Variants in TAPBPL observed in about 807,000 individuals in gnomAD.
The protein encoded by TAPBPL is TAP binding protein like.
TAPBPL carries 32 observed loss-of-function variants against 44.8 expected under a neutral mutation model. The ratio of observed to expected loss-of-function variants is 0.71; its 90% CI spans 0.54 to 0.96. TAPBPL has a LOEUF of 0.96. Ranked by LOEUF, TAPBPL falls within the 40% of genes least tolerant of loss-of-function variation. TAPBPL has a pLI of 0.00. For synonymous variants in TAPBPL, 230 were observed against 240.7 expected (o/e 0.96, Z 0.41); for missense variants, 520 against 586.6 (o/e 0.89, Z 1.17).
chr12:6,452,559 G>C, intron 1 of TAPBPL: 1 of 1,389,258 alleles, frequency 7.2e-7, no homozygotes, highest in Non-Finnish European at 9.3e-7. Flanking sequence ...AGGAGCCACT[G>C]TCCTACAGAG....
chr12:6,461,164 A>G, intron 6 of TAPBPL: 1 of 1,368,216 alleles, frequency 7.3e-7, no homozygotes, highest in Non-Finnish European at 9.5e-7. Context: ...CTCAGAGTAG[A>G]AAGAAAGAGT....
chr12:6,464,198 C>A, downstream of TAPBPL: 1 of 1,478,758 alleles, frequency 6.8e-7, no homozygotes, highest in South Asian at 1.2e-5. Context: ...CTCTTTGGGG[C>A]TTTGGGGGAA....
intron 3 of TAPBPL, among the ~76,000 whole-genome samples, chr12:6,455,310 T>C (rs1248353612): frequency 1.3e-5 from 2 of 152,152 alleles, no homozygotes; most frequent in African/African-American, 4.8e-5. Flanking sequence ...TAGCATGTAT[T>C]AGTTTACAAT....
At chr12:6,461,746 T>A (rs1378783674) in intron 6 of TAPBPL, among the ~76,000 whole-genome samples, 2 of 152,198 alleles carry the variant, frequency 1.3e-5, no homozygotes, top group Non-Finnish European at 2.9e-5. Flanking sequence ...AATGCCTCAC[T>A]CCCTCAGCTG....
Position 6,453,293 on chromosome 12 carries a change from C to T in TAPBPL, c.291C>T (p.Ala97=), listed in dbSNP as rs753465657. Residue 97 remains alanine, a synonymous_variant, in exon 2 of 7, where the codon GCC becomes GCT. Transcript: ENST00000266556. The surrounding 1 kb of genome is among the most constrained non-coding windows in gnomAD (Gnocchi z 4.8). The part of the protein sequence containing the change: ...AQDDPPIIFE[A]SVDLVQIPQA... The stretch of plus-strand genomic sequence containing the variant: ...ATGACCCACCTATTATCTTTGAGGC[C>T]TCAGGTAAAAGCCTTCCACCTGTGT... 33 of 1,613,672 alleles carry T rather than the reference C, an allele frequency of 2.0e-5. No individual in the cohort carries two copies. The African/African-American group carries it at 4.1e-4, about 20-fold the overall frequency.
chr12:6,470,595 G>A, downstream of TAPBPL: 1 of 1,606,114 alleles, frequency 6.2e-7, no homozygotes, highest in South Asian at 1.1e-5. Context: ...ACCCGGTGAG[G>A]GACGCTGCGG....
At chr12:6,457,272 A>G (rs958440066) in intron 3 of TAPBPL, 134 bp from the exon 4 acceptor site, 3 of 785,312 alleles carry the variant, frequency 3.8e-6, no homozygotes, top group Non-Finnish European at 6.0e-6. Context: ...GTTCCATGTG[A>G]TGGAAAATAA....
At chr12:6,471,759 G>A in the TAPBPL span, among the ~76,000 whole-genome samples, 1 of 151,930 alleles carries the variant, frequency 6.6e-6, no homozygotes, top group Non-Finnish European at 1.5e-5. This position sits in a 1 kb window ranked among gnomAD's most constrained non-coding sequence, Gnocchi z 4.0. Context: ...GCCGGGAGCC[G>A]ACGGTTGCAG....
Position 6,460,856 on chromosome 12 carries a change from G to A in TAPBPL, c.1209G>A (p.Glu403=), listed in dbSNP as rs761676568. The part of the protein sequence containing the change: ...LGASTQVVPP[E]RRTALGVIFA... ...CGCCCACGTTGCTCTCACCTACAGA[G>A]CGGAGAACAGCCTTGGGAGTCATCT... is the stretch of plus-strand genomic sequence containing the variant. The change falls in exon 6 of 7, where the codon GAG becomes GAA. Residue 403 remains glutamate (E), a splice_region_variant and synonymous_variant. Coordinates refer to ENST00000266556, the MANE Select transcript of TAPBPL (RefSeq NM_018009.5). 15 of 1,613,996 alleles carry A rather than the reference G, an allele frequency of 9.3e-6. No individual in the cohort carries two copies. Among genetic ancestry groups the A allele is most frequent in the African/African-American group, 1.3e-5 (1 of 74,904 alleles).
intron 3 of TAPBPL, among the ~76,000 whole-genome samples, chr12:6,454,776 C>T (rs1949661473): frequency 6.6e-6 from 1 of 152,142 alleles, no homozygotes; most frequent in Non-Finnish European, 1.5e-5. Context: ...AGTACTTGCC[C>T]TCTCCAGCTC....
chr12:6,460,074 GA>G (rs1489419395), intron 5 of TAPBPL, among the ~76,000 whole-genome samples: 1 of 151,830 alleles, frequency 6.6e-6, no homozygotes, highest in Non-Finnish European at 1.5e-5. Flanking sequence ...CCTGCCTGTC[GA>G]GAGGTTTTAA....
At chr12:6,463,729 A>G (rs1479704448), downstream of TAPBPL, 3 of 1,154,870 alleles carry the variant, frequency 2.6e-6, no homozygotes, top group African/African-American at 3.2e-5. The surrounding 1 kb of genome is among the most constrained non-coding windows in gnomAD (Gnocchi z 4.0). Context: ...TAGAAAATGT[A>G]AAGAAGAGAA....
At chr12:6,469,682 G>A (rs1225840046), downstream of TAPBPL, among the ~76,000 whole-genome samples, 1 of 152,176 alleles carries the variant, frequency 6.6e-6, no homozygotes, top group Admixed American at 6.5e-5. Context: ...GGCCAGGGTA[G>A]TAATCAGAAA....
chr12:6,463,616 T>C, downstream of TAPBPL: 1 of 1,078,784 alleles, frequency 9.3e-7, no homozygotes. The surrounding 1 kb of genome is among the most constrained non-coding windows in gnomAD (Gnocchi z 4.0). Context: ...ACAGGCAATC[T>C]CTCTCTTTAT....
At chr12:6,459,645 CG>C (rs1162908875) in intron 5 of TAPBPL, among the ~76,000 whole-genome samples, 5 of 152,284 alleles carry the variant, frequency 3.3e-5, no homozygotes, top group African/African-American at 1.2e-4. Flanking sequence ...ATTCCCCTTA[CG>C]GGCTTAATTA....
chr12:6,456,125 A>T (rs1422601453), intron 3 of TAPBPL, among the ~76,000 whole-genome samples: 2 of 99,020 alleles, frequency 2.0e-5, no homozygotes, highest in Non-Finnish European at 4.3e-5. Context: ...TTGTCCCAAT[A>T]TTTTTTTTTT....
At chr12:6,461,131 A>G in intron 6 of TAPBPL, 193 bp downstream of exon 6, 1 of 1,409,012 alleles carries the variant, frequency 7.1e-7, no homozygotes, top group Middle Eastern at 2.6e-4. Context: ...TAGCTACCTC[A>G]CTAAAGTCTG....
downstream of TAPBPL, chr12:6,462,742 C>CCCCT: frequency 7.3e-7 from 1 of 1,367,164 alleles, no homozygotes; most frequent in Non-Finnish European, 1.0e-6. Context: ...CAGCGGTGAC[C>CCCCT]CCCTGCATTA....
At position 6,458,796 on chromosome 12, in the gene TAPBPL, C is replaced by T; in HGVS notation, c.1056C>T (p.Phe352=). The part of the protein sequence containing the change: ...GSPAQVSGAS[F]SSLRQSVAGT... ...CAGCCCAAGTCTCTGGTGCCTCCTT[C>T]TCCAGCCTCAGGCAAAGCGTGGCAG... is the stretch of plus-strand genomic sequence containing the variant. The change falls in exon 5 of 7, where the codon TTC becomes TTT. Residue 352 remains phenylalanine, a synonymous_variant. Transcript: ENST00000266556. 1 of 1,614,168 alleles carries T rather than the reference C, an allele frequency of 6.2e-7. No homozygotes were observed. Among genetic ancestry groups the T allele is most frequent in the Non-Finnish European group, 8.5e-7 (1 of 1,180,034 alleles).
Sources: allele counts gnomAD v4.1 joint callset (sites outside exome capture counted in the v4.1 genomes callset), GRCh38; gene constraint gnomAD v4.1.1; non-coding constraint Gnocchi (gnomAD v3.1); transcripts MANE v1.5; gene names NCBI Gene and HGNC (gene_info 2026-07-23, HGNC 2026-07-21).